Variants in CDH20 observed in about 807,000 individuals in gnomAD.
CDH20 encodes cadherin 20, also known as cadherin-20.
CDH20 carries 29 observed loss-of-function variants against 74.2 expected under a neutral mutation model. That is an observed-to-expected ratio of 0.39 (90% CI 0.29 to 0.53). The LOEUF is 0.53. Among genes scored for constraint, CDH20 ranks in the 20% least tolerant of loss-of-function variants. CDH20 has a pLI of 0.69. For missense variants in CDH20, 988 were observed against 1,048.3 expected (o/e 0.94, Z 0.79); for synonymous variants, 469 against 405.4 (o/e 1.16, Z -1.88).
At position 61,528,162 on chromosome 18, in the gene CDH20, G is replaced by T; in HGVS notation, c.1213G>T (p.Gly405Ter). 6.2e-7 allele frequency: 1 copy of T among 1,613,998 alleles called. No homozygotes were observed. The highest frequency in any genetic ancestry group is 1.1e-5 in the South Asian group (1 of 91,074). The change falls in exon 7 of 12, where the codon GGA becomes TGA. Residue 405 changes from glycine to a stop codon, truncating the protein, a stop_gained. Transcript: ENST00000262717. LOFTEE classifies it high-confidence loss of function. ...FVEVPEDVAI[G>*]TTIQIISAKD... ...GGAGGTGCCTGAGGATGTGGCGATTGGAACAACCATACAGATCATTTCTGC... is the reference window on the plus strand; with the variant it reads ...GGAGGTGCCTGAGGATGTGGCGATTTGAACAACCATACAGATCATTTCTGC...
chr18:61,537,852 A>T (rs963823713), intron 8 of CDH20, among the ~76,000 whole-genome samples: 1 of 152,192 alleles, frequency 6.6e-6, no homozygotes, highest in Admixed American at 6.5e-5. Flanking sequence ...TTTGGGAAAG[A>T]AAGGAAGAAA....
At chr18:61,402,276 C>A (rs551981581) in intron 1 of CDH20, among the ~76,000 whole-genome samples, 1 of 152,122 alleles carries the variant, frequency 6.6e-6, no homozygotes, top group Non-Finnish European at 1.5e-5. Context: ...GATTCTCATG[C>A]CAGAGGAAGG....
chr18:61,484,488 C>A (rs1337147208), intron 1 of CDH20, among the ~76,000 whole-genome samples: 1 of 152,010 alleles, frequency 6.6e-6, no homozygotes, highest in Non-Finnish European at 1.5e-5. Flanking sequence ...AGACAGGGCA[C>A]CCTGGACTGC....
chr18:61,410,244 G>T (rs1164353627), intron 1 of CDH20, among the ~76,000 whole-genome samples: 1 of 152,028 alleles, frequency 6.6e-6, no homozygotes, highest in African/African-American at 2.4e-5. Flanking sequence ...AAACTGAATA[G>T]AAAATATTAA....
intron 1 of CDH20, among the ~76,000 whole-genome samples, chr18:61,367,222 G>A (rs914836002): frequency 1.3e-5 from 2 of 152,086 alleles, no homozygotes; most frequent in Non-Finnish European, 2.9e-5. Context: ...AATGTTTTAC[G>A]TGTTCTCTAC....
At chr18:61,488,430 G>A (rs944484434) in intron 1 of CDH20, among the ~76,000 whole-genome samples, 6 of 152,258 alleles carry the variant, frequency 3.9e-5, no homozygotes, top group African/African-American at 1.4e-4. Flanking sequence ...TCAAATGTCG[G>A]TTGGCACCTT....
intron 1 of CDH20, among the ~76,000 whole-genome samples, chr18:61,363,583 G>A (rs1389746942): frequency 2.6e-5 from 4 of 152,122 alleles, no homozygotes; most frequent in African/African-American, 9.7e-5. Flanking sequence ...TAAATTTGAA[G>A]CATTTTTTGT....
intron 1 of CDH20, among the ~76,000 whole-genome samples, chr18:61,456,672 A>T (rs573285021): frequency 2.0e-5 from 3 of 152,298 alleles, no homozygotes; most frequent in East Asian, 3.9e-4. Context: ...AAAAACACAA[A>T]AAAAGACTTC....
chr18:61,359,040 A>G (rs1027397733), intron 1 of CDH20, among the ~76,000 whole-genome samples: 5 of 152,202 alleles, frequency 3.3e-5, no homozygotes, highest in Admixed American at 1.3e-4. Flanking sequence ...AAACATCTCT[A>G]GAAACCTTTC....
At chr18:61,358,034 G>A (rs549997796) in intron 1 of CDH20, among the ~76,000 whole-genome samples, 5 of 151,996 alleles carry the variant, frequency 3.3e-5, no homozygotes, top group African/African-American at 9.6e-5. Context: ...ATTCCTACAG[G>A]AGGCCTTATC....
At chr18:61,355,078 C>T (rs143902797) in intron 1 of CDH20, among the ~76,000 whole-genome samples, 136 of 152,268 alleles carry the variant, frequency 8.9e-4, no homozygotes, top group African/African-American at 3.2e-3. Flanking sequence ...TCACTGGAGC[C>T]CTTCCTCCAG....
At chr18:61,347,928 T>A (rs1388516191) in intron 1 of CDH20, among the ~76,000 whole-genome samples, 1 of 152,108 alleles carries the variant, frequency 6.6e-6, no homozygotes, top group East Asian at 1.9e-4. Context: ...AACTGACCCC[T>A]CCCACACACA....
chr18:61,471,593 TCCCTGTGG>T (rs947083731), intron 1 of CDH20, among the ~76,000 whole-genome samples: 4 of 152,172 alleles, frequency 2.6e-5, no homozygotes, highest in Admixed American at 1.3e-4. Flanking sequence ...TAGAGAATGA[TCCCTGTGG>T]CCCTGTGGAA....
chr18:61,353,055 T>A lies in CDH20; in HGVS notation c.-153+19228T>A, dbSNP rs1910363040. ...AGCCTCTTCTCTAGCAACCTTCACA[T>A]GCTGTCCATAGCTTCTATTTTATGG... is the stretch of plus-strand genomic sequence containing the variant. On this transcript the variant is annotated intron_variant, in intron 1 of 11. Coordinates refer to ENST00000262717, the MANE Select transcript of CDH20 (RefSeq NM_031891.4). The surrounding 1 kb of genome is among the most constrained non-coding windows in gnomAD (Gnocchi z 4.6). 6.6e-6 allele frequency among the ~76,000 whole-genome samples: 1 copy of A among 152,238 alleles called. No individual in the cohort carries two copies. The highest frequency in any genetic ancestry group is 1.5e-5 in the Non-Finnish European group (1 of 68,048).
At chr18:61,370,223 G>A (rs1293653168) in intron 1 of CDH20, among the ~76,000 whole-genome samples, 2 of 151,990 alleles carry the variant, frequency 1.3e-5, no homozygotes, top group Admixed American at 1.3e-4. Context: ...TTGTGCTAAG[G>A]AAATGAAACA....
intron 6 of CDH20, among the ~76,000 whole-genome samples, chr18:61,510,491 A>G (rs1392570100): frequency 6.6e-6 from 1 of 152,240 alleles, no homozygotes; most frequent in African/African-American, 2.4e-5. Context: ...ATGTAACTCA[A>G]GTTAATGGGT....
chr18:61,423,315 T>C (rs960326059), intron 1 of CDH20, among the ~76,000 whole-genome samples: 3 of 152,126 alleles, frequency 2.0e-5, no homozygotes, highest in African/African-American at 7.2e-5. Context: ...GAGCACTCAG[T>C]GTTATAGAGA....
chr18:61,409,562 A>T (rs184398205), intron 1 of CDH20, among the ~76,000 whole-genome samples: 9 of 152,336 alleles, frequency 5.9e-5, no homozygotes, highest in Admixed American at 5.9e-4. Context: ...TTTTCATTAG[A>T]AAGTGAGGAT....
chr18:61,488,346 G>A (rs1910840437), intron 1 of CDH20, among the ~76,000 whole-genome samples: 1 of 151,996 alleles, frequency 6.6e-6, no homozygotes, highest in African/African-American at 2.4e-5. Flanking sequence ...TGGCCCCAAA[G>A]GTATCCATAA....
Sources: gnomAD v4.1 joint callset for allele counts (sites outside exome capture counted in the v4.1 genomes callset) on GRCh38, gnomAD v4.1.1 for gene constraint, Gnocchi (gnomAD v3.1) non-coding constraint, MANE v1.5 for transcripts, NCBI Gene and HGNC (gene_info 2026-07-23, HGNC 2026-07-21) for gene names.